The following EHD4 variants were observed in gnomAD, a reference collection of about 807,000 sequenced individuals.
The protein encoded by EHD4 is EH domain-containing protein 4.
Under a neutral mutation model 51.0 loss-of-function variants are expected in EHD4, and 37 were observed. The observed-to-expected ratio is 0.73, with a 90% CI of 0.56 to 0.95. The LOEUF (loss-of-function observed/expected upper bound fraction) is 0.95, where lower values mean the gene tolerates loss of function less well. Ranked by LOEUF, EHD4 falls within the 40% of genes least tolerant of loss-of-function variation. The probability of loss-of-function intolerance (pLI) is 0.00; values close to 1 mark genes in which losing one functional copy is unlikely to be tolerated. For synonymous variants in EHD4, 297 were observed against 317.3 expected, an observed-to-expected ratio of 0.94 and a Z score of 0.68; for missense variants, 632 against 733.1, an observed-to-expected ratio of 0.86 and a Z score of 1.59.
chr15:41,952,995 C>CA (rs1318385897), intron 2 of EHD4, among the ~76,000 whole-genome samples: 1 of 97,886 alleles, frequency 1.0e-5, no homozygotes. Flanking sequence ...ATCTTCCCCC[C>CA]CGCAAAAAAA....
chr15:41,940,847 C>A (rs1290228558), intron 3 of EHD4, among the ~76,000 whole-genome samples: 1 of 152,148 alleles, frequency 6.6e-6, no homozygotes, highest in Non-Finnish European at 1.5e-5. Flanking sequence ...AGAGACGCTG[C>A]AAGACTCAGG....
At chr15:41,917,255 G>A (rs1357445946) in intron 4 of EHD4, among the ~76,000 whole-genome samples, 5 of 152,156 alleles carry the variant, frequency 3.3e-5, no homozygotes, top group Admixed American at 1.3e-4. Flanking sequence ...TGAGTAGCTG[G>A]GATTACAGGT....
intron 3 of EHD4, among the ~76,000 whole-genome samples, chr15:41,935,348 AGGCACCT>A (rs2067724980): frequency 6.6e-6 from 1 of 152,166 alleles, no homozygotes; most frequent in Non-Finnish European, 1.5e-5. Flanking sequence ...GTGAAACCTA[AGGCACCT>A]GGCACCTGAC....
chr15:41,927,065 G>T (rs1262541785), intron 3 of EHD4, among the ~76,000 whole-genome samples: 1 of 152,188 alleles, frequency 6.6e-6, no homozygotes, highest in Non-Finnish European at 1.5e-5. Flanking sequence ...GGTTCCCGGG[G>T]ATAGAGTCTT....
At chr15:41,946,372 G>T (rs1438188697) in intron 2 of EHD4, among the ~76,000 whole-genome samples, 2 of 152,146 alleles carry the variant, frequency 1.3e-5, no homozygotes, top group African/African-American at 4.8e-5. Context: ...AGAGATGGGG[G>T]ATAAAGTAAT....
chr15:41,907,870 G>GTGTA (rs1271170037), intron 5 of EHD4, among the ~76,000 whole-genome samples: 12 of 107,752 alleles, frequency 1.1e-4, no homozygotes, highest in South Asian at 3.4e-4. Flanking sequence ...GTGTGTGTGT[G>GTGTA]TATATATTTA....
At chr15:41,960,160 G>A (rs1297689730) in intron 1 of EHD4, among the ~76,000 whole-genome samples, 5 of 152,114 alleles carry the variant, frequency 3.3e-5, no homozygotes, top group Non-Finnish European at 2.9e-5. Flanking sequence ...AGGTTACTCT[G>A]AAGCCGTACT....
chr15:41,903,771 C>T (rs2067494434), intron 5 of EHD4, among the ~76,000 whole-genome samples: 1 of 152,016 alleles, frequency 6.6e-6, no homozygotes, highest in African/African-American at 2.4e-5. Context: ...GAAATATCAG[C>T]TAAACGGGCT....
intron 4 of EHD4, among the ~76,000 whole-genome samples, chr15:41,916,773 G>A (rs1361078198): frequency 6.6e-6 from 1 of 152,194 alleles, no homozygotes; most frequent in Admixed American, 6.5e-5. Flanking sequence ...CACTGCCCAC[G>A]AGCAACTGGC....
rs113888987 is a variant in EHD4 at position 41,922,382 on chromosome 15, T to A, written c.512-2760A>T. The stretch of plus-strand genomic sequence containing the variant: ...GCCTGGGTGAGAGAGTGAGACCCTG[T>A]CACAAAAACAAAACAAAACAAAACA... On this transcript the variant is annotated intron_variant, in intron 3 of 5. Coordinates refer to ENST00000220325, the MANE Select transcript of EHD4 (RefSeq NM_139265.4). Among the ~76,000 whole-genome samples the A allele has an allele frequency of 7.8e-3, 1,183 of 152,190 alleles. 18 individuals carry two copies. Among genetic ancestry groups the A allele is most frequent in the African/African-American group, 0.026 (1,100 of 41,516 alleles).
chr15:41,920,122 A>G (rs2067615108), intron 3 of EHD4, among the ~76,000 whole-genome samples: 1 of 152,212 alleles, frequency 6.6e-6, no homozygotes, highest in Admixed American at 6.5e-5. Flanking sequence ...CAATTAACCC[A>G]AGTTTGTAGA....
chr15:41,911,659 CCT>C (rs1375146133), intron 4 of EHD4, among the ~76,000 whole-genome samples: 3 of 152,098 alleles, frequency 2.0e-5, no homozygotes, highest in Admixed American at 2.0e-4. Flanking sequence ...CCTATGTATA[CCT>C]CTCTCTTCTG....
intron 2 of EHD4, 111 bp downstream of exon 2, chr15:41,953,653 A>G: frequency 1.7e-6 from 2 of 1,179,770 alleles, no homozygotes; most frequent in Non-Finnish European, 2.4e-6. Flanking sequence ...TATGACTTCT[A>G]GAGCAGAGAT....
chr15:41,910,013 G>T (rs552073668), intron 4 of EHD4, 150 bp from the exon 5 acceptor site: 3 of 986,302 alleles, frequency 3.0e-6, no homozygotes, highest in African/African-American at 1.6e-5. Context: ...GGTCCAGGGG[G>T]AGTGGAGCTG....
chr15:41,911,937 G>A (rs903389401), intron 4 of EHD4, among the ~76,000 whole-genome samples: 4 of 152,014 alleles, frequency 2.6e-5, no homozygotes, highest in East Asian at 3.9e-4. Flanking sequence ...ACTCCCTGCC[G>A]CCCACCCCCC....
chr15:41,962,048 C>A (rs186475118), intron 1 of EHD4, among the ~76,000 whole-genome samples: 1 of 152,310 alleles, frequency 6.6e-6, no homozygotes, highest in African/African-American at 2.4e-5. Flanking sequence ...ATAAGAGCAA[C>A]AGGGCATAAA....
chr15:41,959,414 A>G (rs898134666), intron 1 of EHD4, among the ~76,000 whole-genome samples: 4 of 123,576 alleles, frequency 3.2e-5, no homozygotes, highest in Non-Finnish European at 7.5e-5. Flanking sequence ...AAAAAAAAAA[A>G]AAAAAAAAAG....
intron 1 of EHD4, among the ~76,000 whole-genome samples, chr15:41,956,317 CAGG>C (rs147477118): frequency 0.1 from 15,306 of 152,158 alleles, 912 homozygotes; most frequent in South Asian, 0.26. Context: ...CAAGCCTGGC[CAGG>C]AGGAGGCCCT....
At chr15:41,956,949 G>A (rs2067891975) in intron 1 of EHD4, among the ~76,000 whole-genome samples, 1 of 152,216 alleles carries the variant, frequency 6.6e-6, no homozygotes, top group Admixed American at 6.5e-5. Flanking sequence ...GGTCCTGTGA[G>A]ATAAACACCC....
Sources: allele counts gnomAD v4.1 joint callset (sites outside exome capture counted in the v4.1 genomes callset), GRCh38; gene constraint gnomAD v4.1.1; transcripts MANE v1.5; gene names NCBI Gene and HGNC (gene_info 2026-07-23, HGNC 2026-07-21).